The following RASAL2 variants were observed in gnomAD, a reference collection of about 807,000 sequenced individuals.
The protein encoded by RASAL2 is ras GTPase-activating protein nGAP.
In RASAL2, 58 loss-of-function variants were observed where a neutral mutation model predicts 128.9. The ratio of observed to expected loss-of-function variants is 0.45; its 90% confidence interval spans 0.36 to 0.56. RASAL2 has a LOEUF of 0.56. RASAL2 is among the 20% of genes least tolerant of loss of function. The pLI, the probability that RASAL2 is intolerant of heterozygous loss-of-function variation, is 0.00. For synonymous variants in RASAL2, 561 were observed against 580.8 expected (o/e 0.97, Z 0.49); for missense variants, 1,360 against 1,601.6 (o/e 0.85, Z 2.57).
chr1:178,168,457 TA>T (rs1205952730), intron 1 of RASAL2, among the ~76,000 whole-genome samples: 1 of 152,118 alleles, frequency 6.6e-6, no homozygotes, highest in East Asian at 1.9e-4. Context: ...TTGTTTTTTG[TA>T]AAGTACTTCA....
rs534743736 is a variant in RASAL2, at chr1:178,266,121, T to G, written c.203-17443T>G. On this transcript the variant is annotated intron_variant, in intron 1 of 17. Transcript: ENST00000367649. Reference sequence around the variant, plus strand: ...TCCACATTTCTGTTGGGTATATATCTAGGAGTAGAATTGCTAGATATGTAT... The same window carrying G: ...TCCACATTTCTGTTGGGTATATATCGAGGAGTAGAATTGCTAGATATGTAT... 2.6e-5 allele frequency among the ~76,000 whole-genome samples: 4 copies of G among 152,344 alleles called. No homozygotes were observed. The East Asian group carries it at 7.7e-4, about 29-fold the overall frequency.
intron 3 of RASAL2, among the ~76,000 whole-genome samples, chr1:178,376,538 A>G (rs933313490): frequency 3.3e-5 from 5 of 152,152 alleles, no homozygotes; most frequent in African/African-American, 1.2e-4. Context: ...AACCTTTTGA[A>G]GGGAGAAAGA....
At chr1:178,234,844 ATAATT>A (rs1258683805) in intron 1 of RASAL2, among the ~76,000 whole-genome samples, 2 of 152,192 alleles carry the variant, frequency 1.3e-5, no homozygotes, top group African/African-American at 4.8e-5. Flanking sequence ...TTATTGAAAT[ATAATT>A]TAATTTATTT....
chr1:178,337,039 C>T (rs1465322576), intron 3 of RASAL2, among the ~76,000 whole-genome samples: 1 of 151,874 alleles, frequency 6.6e-6, no homozygotes, highest in Non-Finnish European at 1.5e-5. Context: ...TTTGATTTTG[C>T]CTACTCCCTA....
At chr1:178,149,532 G>T (rs1491000922) in intron 1 of RASAL2, among the ~76,000 whole-genome samples, 1 of 151,606 alleles carries the variant, frequency 6.6e-6, no homozygotes, top group African/African-American at 2.4e-5. Flanking sequence ...CCTCATAGTA[G>T]TTGCTGTCTT....
intron 1 of RASAL2, among the ~76,000 whole-genome samples, chr1:178,190,565 A>T (rs1471439433): frequency 6.6e-6 from 1 of 152,192 alleles, no homozygotes; most frequent in Non-Finnish European, 1.5e-5. Flanking sequence ...GATAAGATTG[A>T]CAGGAAGGAA....
chr1:178,450,658 C>G (rs908601981), intron 9 of RASAL2, among the ~76,000 whole-genome samples: 4 of 152,096 alleles, frequency 2.6e-5, no homozygotes, highest in Admixed American at 1.3e-4. Context: ...GTAATAAACA[C>G]ATATTTAGGA....
intron 1 of RASAL2, among the ~76,000 whole-genome samples, chr1:178,283,360 C>A (rs1666871952): frequency 6.6e-6 from 1 of 152,130 alleles, no homozygotes; most frequent in African/African-American, 2.4e-5. Flanking sequence ...TTTCAGCCCT[C>A]TTCTCTGAAG....
At chr1:178,167,890 G>A (rs1054856064) in intron 1 of RASAL2, among the ~76,000 whole-genome samples, 2 of 152,038 alleles carry the variant, frequency 1.3e-5, no homozygotes, top group African/African-American at 4.8e-5. Flanking sequence ...GACTGTTGTT[G>A]TGTGAGGAAA....
intron 17 of RASAL2, 49 bp downstream of exon 17, chr1:178,467,470 T>G: frequency 6.6e-7 from 1 of 1,522,066 alleles, no homozygotes; most frequent in Non-Finnish European, 9.1e-7. Context: ...TAGTAACGAT[T>G]ATTTCCTGAC....
intron 4 of RASAL2, among the ~76,000 whole-genome samples, chr1:178,393,943 G>GTAAT (rs1673066114): frequency 6.6e-6 from 1 of 152,262 alleles, no homozygotes; most frequent in East Asian, 1.9e-4. Context: ...TATTAAATAT[G>GTAAT]TAATTACATT....
At chr1:178,280,144 C>T (rs1216511237) in intron 1 of RASAL2, among the ~76,000 whole-genome samples, 1 of 152,004 alleles carries the variant, frequency 6.6e-6, no homozygotes, top group Non-Finnish European at 1.5e-5. Context: ...ATAGTATTAA[C>T]GAAGAATATT....
intron 1 of RASAL2, among the ~76,000 whole-genome samples, chr1:178,258,547 A>T (rs1665497290): frequency 6.6e-6 from 1 of 152,216 alleles, no homozygotes. Context: ...GGAAATACAA[A>T]TCAATACAAC....
chr1:178,362,513 A>G (rs1053963385), intron 3 of RASAL2, among the ~76,000 whole-genome samples: 92 of 142,628 alleles, frequency 6.5e-4, no homozygotes, highest in African/African-American at 2.4e-3. Context: ...AAGAGTATCT[A>G]AAATCTACTC....
chr1:178,154,383 A>C (rs1212212363), intron 1 of RASAL2, among the ~76,000 whole-genome samples: 1 of 152,050 alleles, frequency 6.6e-6, no homozygotes, highest in Non-Finnish European at 1.5e-5. Flanking sequence ...TCCCGGGCTC[A>C]AGCAGTCCTC....
At chr1:178,199,973 A>C (rs907302768) in intron 1 of RASAL2, among the ~76,000 whole-genome samples, 2 of 152,164 alleles carry the variant, frequency 1.3e-5, no homozygotes, top group Non-Finnish European at 2.9e-5. Flanking sequence ...CCCATGCTGG[A>C]TGCTTCCTGC....
chr1:178,099,119 A>G (rs944062349), intron 1 of RASAL2, among the ~76,000 whole-genome samples: 6 of 152,226 alleles, frequency 3.9e-5, no homozygotes, highest in Admixed American at 3.3e-4. Context: ...TGTTGCAACT[A>G]GTATGGCTAG....
At chr1:178,124,917 C>T (rs867015939) in intron 1 of RASAL2, among the ~76,000 whole-genome samples, 2 of 152,122 alleles carry the variant, frequency 1.3e-5, no homozygotes, top group Non-Finnish European at 2.9e-5. Context: ...AATTTCCTTT[C>T]TCCATAAGCT....
At chr1:178,185,266 TACAG>T (rs1200147616) in intron 1 of RASAL2, among the ~76,000 whole-genome samples, 6 of 152,062 alleles carry the variant, frequency 3.9e-5, no homozygotes, top group African/African-American at 1.4e-4. Context: ...TTTTTTTTTC[TACAG>T]ACAGTCATGT....
Sources: gnomAD v4.1 joint callset for allele counts (sites outside exome capture counted in the v4.1 genomes callset) on GRCh38, gnomAD v4.1.1 for gene constraint, MANE v1.5 for transcripts, NCBI Gene and HGNC (gene_info 2026-07-23, HGNC 2026-07-21) for gene names.